The following DNAH8 variants were observed in gnomAD, a reference collection of about 807,000 sequenced individuals.
The protein encoded by DNAH8 is axonemal beta dynein heavy chain 8.
Under a neutral mutation model 562.1 loss-of-function variants are expected in DNAH8, and 382 were observed. The observed-to-expected ratio is 0.68, with a 90% CI of 0.63 to 0.74. DNAH8 has a LOEUF of 0.74. Ranked by LOEUF, DNAH8 falls within the 30% of genes least tolerant of loss-of-function variation. DNAH8 has a pLI of 0.00. For missense variants in DNAH8, 5,203 were observed against 5,620.4 expected, an observed-to-expected ratio of 0.93 and a Z score of 2.37; for synonymous variants, 1,881 against 1,919.4, an observed-to-expected ratio of 0.98 and a Z score of 0.52.
intron 8 of DNAH8, among the ~76,000 whole-genome samples, chr6:38,749,291 A>G (rs1403329447): frequency 1.3e-5 from 2 of 152,144 alleles, no homozygotes; most frequent in African/African-American, 4.8e-5. Context: ...CGAACACCAC[A>G]TGTACTCACT....
chr6:38,874,243 CCCCT>C (rs1777788158), intron 52 of DNAH8, among the ~76,000 whole-genome samples: 1 of 37,564 alleles, frequency 2.7e-5, no homozygotes, highest in African/African-American at 9.6e-5. Context: ...TCCCCTCCCT[CCCCT>C]TCCCTTCCCT....
intron 89 of DNAH8, among the ~76,000 whole-genome samples, chr6:39,009,602 G>A (rs751570781): frequency 3.9e-5 from 6 of 152,150 alleles, no homozygotes; most frequent in Non-Finnish European, 7.3e-5. Flanking sequence ...GCCAGACACT[G>A]TCCGAAGTGC....
chr6:38,715,960 A>ATATATTTTTTTTT (rs1372342002), intron 1 of DNAH8, among the ~76,000 whole-genome samples: 1 of 23,628 alleles, frequency 4.2e-5, no homozygotes, highest in African/African-American at 3.6e-4. Context: ...ATATATATAT[A>ATATATTTTTTTTT]TTTTTTTTTT....
intron 15 of DNAH8, 51 bp from the exon 16 acceptor site, chr6:38,781,203 C>A: frequency 6.3e-7 from 1 of 1,593,548 alleles, no homozygotes; most frequent in Non-Finnish European, 8.6e-7. Flanking sequence ...ATATTTTTTG[C>A]CTTCTCCCTT....
intron 5 of DNAH8, among the ~76,000 whole-genome samples, chr6:38,735,551 A>G (rs895937310): frequency 2.6e-5 from 4 of 152,138 alleles, no homozygotes; most frequent in African/African-American, 7.2e-5. Context: ...TTTCACCACA[A>G]TGCCTCTATG....
rs1583599234 is a variant in DNAH8 at position 39,030,459 on chromosome 6, G to C, written c.*67G>C. On this transcript the variant is annotated 3_prime_UTR_variant, in exon 93 of 93. Coordinates refer to ENST00000327475, the MANE Select transcript of DNAH8 (RefSeq NM_001206927.2). ...AGCCTGTGCTATTGAGGGACTCAGTGATGTGTGTGTCTTTTCTCCCCAGTA... is the reference window on the plus strand; with the variant it reads ...AGCCTGTGCTATTGAGGGACTCAGTCATGTGTGTGTCTTTTCTCCCCAGTA... 7.3e-7 allele frequency: 1 copy of C among 1,368,812 alleles called. No individual in the cohort carries two copies. The highest frequency in any genetic ancestry group is 1.3e-5 in the South Asian group (1 of 75,364). 84.8% of individuals were successfully genotyped at this position (1,368,812 alleles called of 1,614,324 possible). A position where few individuals can be genotyped will look rare whatever the true frequency, so the allele number is the denominator to read the frequency against.
intron 77 of DNAH8, among the ~76,000 whole-genome samples, chr6:38,937,724 G>C (rs1401410004): frequency 1.3e-5 from 2 of 152,158 alleles, no homozygotes; most frequent in Non-Finnish European, 2.9e-5. Context: ...TGGGTCTTTT[G>C]CTTTTTGCAG....
rs1261118458 is a variant in DNAH8, at chr6:38,780,015, A to G, written c.2089A>G (p.Ile697Val). The G allele has an allele frequency of 1.2e-6, 2 of 1,613,994 alleles. No individual in the cohort carries two copies. Among genetic ancestry groups the G allele is most frequent in the Admixed American group, 3.3e-5 (2 of 60,002 alleles). ...PCLGLEINHT[I>V]ERILQYYVAE... Reference sequence around the variant, plus strand: ...TCTGGGATTAGAAATAAACCACACAATAGAGCGTATTCTTCAGTACTATGT... The same window carrying G: ...TCTGGGATTAGAAATAAACCACACAGTAGAGCGTATTCTTCAGTACTATGT... Residue 697 changes from isoleucine (I) to valine (V), a missense_variant, in exon 15 of 93, where the codon ATA becomes GTA. Coordinates refer to ENST00000327475, the MANE Select transcript of DNAH8 (RefSeq NM_001206927.2).
intron 41 of DNAH8, among the ~76,000 whole-genome samples, chr6:38,854,999 A>C (rs894469373): frequency 1.3e-5 from 2 of 148,856 alleles, no homozygotes; most frequent in Non-Finnish European, 1.5e-5. Context: ...TATTATATAC[A>C]TATATACATA....
chr6:38,824,645 AC>A (rs1773154035), intron 28 of DNAH8, among the ~76,000 whole-genome samples: 1 of 152,106 alleles, frequency 6.6e-6, no homozygotes, highest in South Asian at 2.1e-4. Context: ...AGTTAATGTA[AC>A]TGTGGCTCTT....
At chr6:39,023,508 A>AAAAC (rs1420280160) in intron 91 of DNAH8, among the ~76,000 whole-genome samples, 102 of 152,178 alleles carry the variant, frequency 6.7e-4, no homozygotes, top group Non-Finnish European at 2.9e-5. Flanking sequence ...CAATCAAAAC[A>AAAAC]AAACAAACAA....
In DNAH8 at chr6:38,873,366, A is replaced by G. The variant is rs912715455; in HGVS notation, c.7610A>G (p.Tyr2537Cys). 2.5e-6 allele frequency: 4 copies of G among 1,591,454 alleles called. No homozygotes were observed. The African/African-American group carries it at 4.1e-5, about 16-fold the overall frequency. ...AAAATGCAGCTCTTGGAGTGCAACT[A>G]TATTGTGCAAGTAAGATTTTTTTTT... ...NPKMQLLECN[Y>C]IVQSLNLLEG... The change falls in exon 52 of 93, where the codon TAT becomes TGT. Residue 2537 changes from tyrosine to cysteine, a missense_variant. By Grantham distance (194) the Tyr-to-Cys change is radical (BLOSUM62 -2). Around this residue, in one of 6 missense-constraint regions of DNAH8, gnomAD observed 977 missense variants for 1,061.8 expected, o/e 0.92. Transcript: ENST00000327475.
rs1781217933 is a variant in DNAH8, at chr6:38,915,257, A to G, written c.10020A>G (p.Val3340=). The change falls in exon 68 of 93, where the codon GTA becomes GTG. Residue 3340 remains valine, a synonymous_variant. Coordinates refer to ENST00000327475, the MANE Select transcript of DNAH8 (RefSeq NM_001206927.2). ...AQASAKIKNE[V]QEVKDKAQKI... The stretch of plus-strand genomic sequence containing the variant: ...CTTCAGCCAAAATTAAAAATGAAGT[A>G]CAGGAGGTAAAGGACAAAGCCCAAA... 3 of 1,611,436 alleles carry G rather than the reference A, an allele frequency of 1.9e-6. No individual in the cohort carries two copies. In the African/African-American group the frequency reaches 4.0e-5, roughly 22 times the overall value.
chr6:38,770,085 A>T (rs937985559), intron 11 of DNAH8, among the ~76,000 whole-genome samples: 2 of 152,230 alleles, frequency 1.3e-5, no homozygotes, highest in Admixed American at 1.3e-4. Context: ...ATACCTGCGC[A>T]TAAAGAATGC....
At chr6:38,752,821 T>C (rs1765578839) in intron 9 of DNAH8, among the ~76,000 whole-genome samples, 1 of 152,196 alleles carries the variant, frequency 6.6e-6, no homozygotes, top group Non-Finnish European at 1.5e-5. Flanking sequence ...GGGAGCACCA[T>C]GAGAGGGGAC....
intron 80 of DNAH8, among the ~76,000 whole-genome samples, chr6:38,949,000 C>T (rs545957659): frequency 1.3e-5 from 2 of 152,192 alleles, no homozygotes; most frequent in South Asian, 2.1e-4. Context: ...AATCTACCCA[C>T]CCCCAGGGGC....
At chr6:38,777,003 G>A (rs1002140952) in intron 13 of DNAH8, among the ~76,000 whole-genome samples, 1 of 152,130 alleles carries the variant, frequency 6.6e-6, no homozygotes, top group African/African-American at 2.4e-5. Context: ...TTTTTCTCAA[G>A]TATTTAAAAA....
At chr6:38,823,145 G>C in intron 27 of DNAH8, 111 bp downstream of exon 27, 1 of 932,468 alleles carries the variant, frequency 1.1e-6, no homozygotes. Context: ...CAGAGGCCAA[G>C]AATCTATAAA....
intron 4 of DNAH8, among the ~76,000 whole-genome samples, chr6:38,730,860 C>T (rs891676079): frequency 1.3e-5 from 2 of 152,122 alleles, no homozygotes; most frequent in African/African-American, 4.8e-5. Context: ...TTCCCTTTCT[C>T]TCCTCACCTG....
Sources: allele counts gnomAD v4.1 joint callset (sites outside exome capture counted in the v4.1 genomes callset), GRCh38; gene constraint gnomAD v4.1.1; regional missense constraint gnomAD v4.1.1; transcripts MANE v1.5; gene names NCBI Gene and HGNC (gene_info 2026-07-23, HGNC 2026-07-21).